RGS22: variants seen among roughly 807,000 people sequenced by gnomAD.
RGS22 encodes regulator of G-protein signaling 22.
A neutral mutation model predicts 172.9 loss-of-function variants in RGS22; 148 were observed. The ratio of observed to expected loss-of-function variants is 0.86; its 90% CI spans 0.75 to 0.98. The LOEUF (loss-of-function observed/expected upper bound fraction) is 0.98, where lower values mean the gene tolerates loss of function less well. RGS22 is among the 50% of genes least tolerant of loss of function. The probability of loss-of-function intolerance (pLI) is 0.00; values close to 1 mark genes in which losing one functional copy is unlikely to be tolerated. For missense variants in RGS22, 1,347 were observed against 1,440.8 expected (o/e 0.93, Z 1.05); for synonymous variants, 458 against 480.2 (o/e 0.95, Z 0.60).
chr8:100,047,723 C>T (rs1469328022), intron 10 of RGS22, 127 bp from the exon 11 acceptor site: 1 of 770,288 alleles, frequency 1.3e-6, no homozygotes. Context: ...CAATGCTTCC[C>T]AATAAAATAG....
At chr8:100,093,199 G>T in intron 3 of RGS22, 1 of 345,032 alleles carries the variant, frequency 2.9e-6, no homozygotes, top group Non-Finnish European at 5.3e-6. Context: ...AAATACAGCT[G>T]AACCAGAGTT....
At chr8:100,036,088 C>T (rs1176566897) in intron 14 of RGS22, among the ~76,000 whole-genome samples, 1 of 151,320 alleles carries the variant, frequency 6.6e-6, no homozygotes, top group Non-Finnish European at 1.5e-5. Flanking sequence ...CACATGTACC[C>T]TAGAACTTAA....
chr8:100,071,509 A>G lies in RGS22; in HGVS notation c.454T>C (p.Trp152Arg), dbSNP rs1355891226. 6.2e-7 allele frequency: 1 copy of G among 1,610,324 alleles called. No individual in the cohort carries two copies. Among genetic ancestry groups the G allele is most frequent in the African/African-American group, 1.3e-5 (1 of 74,682 alleles). The change falls in exon 6 of 28, where the codon TGG becomes CGG. Residue 152 changes from tryptophan to arginine, a missense_variant. Trp to Arg is a moderately radical substitution (Grantham distance 101). Transcript: ENST00000360863. ...RLAKLVSQVR[W>R]SKSGMNFTVG... ...GTGAAATTCATGCCGGACTTGCTCCATCTTACTTGTGAGACCAATTTGGCT... is the reference window on the plus strand; with the variant it reads ...GTGAAATTCATGCCGGACTTGCTCCGTCTTACTTGTGAGACCAATTTGGCT...
At chr8:99,996,041 C>G (rs1172911443) in intron 20 of RGS22, among the ~76,000 whole-genome samples, 1 of 131,756 alleles carries the variant, frequency 7.6e-6, no homozygotes, top group Non-Finnish European at 1.5e-5. Context: ...TGTTATCACT[C>G]ATAGGTAGGA....
chr8:100,087,320 T>C (rs1461963768), intron 3 of RGS22, among the ~76,000 whole-genome samples: 4 of 152,170 alleles, frequency 2.6e-5, no homozygotes, highest in Non-Finnish European at 5.9e-5. Context: ...CTCTTTTCCT[T>C]ACTTAATTTT....
chr8:100,047,464 C>T lies in RGS22; in HGVS notation c.1822G>A (p.Gly608Arg), dbSNP rs1317746977. 1.3e-6 allele frequency: 2 copies of T among 1,590,228 alleles called. No homozygotes were observed. Among genetic ancestry groups the T allele is most frequent in the Non-Finnish European group, 1.7e-6 (2 of 1,171,878 alleles). ...TAACACACAAAAAGTTGCACCTACCCTTTCTCAATCACATCATCCTTAGAA... is the reference window on the plus strand; with the variant it reads ...TAACACACAAAAAGTTGCACCTACCTTTTCTCAATCACATCATCCTTAGAA... ...GSSKDDVIEK[G>R]SKYMSESSKV... The change falls in exon 11 of 28, where the codon GGG (glycine) becomes AGG (arginine). Residue 608 changes from glycine to arginine, a missense_variant and splice_region_variant. Physicochemically the swap from Gly to Arg is moderately radical, Grantham distance 125. Transcript: ENST00000360863.
intron 4 of RGS22, among the ~76,000 whole-genome samples, 182 bp from the exon 5 acceptor site, chr8:100,072,412 CT>C (rs896408727): frequency 2.4e-4 from 30 of 127,562 alleles, no homozygotes; most frequent in African/African-American, 6.1e-4. Context: ...CTTCTTGCCC[CT>C]GGTACGTTTT....
chr8:100,080,430 T>C, intron 3 of RGS22, 75 bp from the exon 4 acceptor site: 1 of 1,024,038 alleles, frequency 9.8e-7, no homozygotes, highest in South Asian at 1.6e-5. Context: ...GACTTGTGGT[T>C]TACATACATG....
intron 23 of RGS22, among the ~76,000 whole-genome samples, chr8:99,974,617 G>A (rs1027489407): frequency 1.3e-5 from 2 of 151,764 alleles, no homozygotes; most frequent in Admixed American, 6.6e-5. Flanking sequence ...GGCCAACATG[G>A]TGAAACCCCA....
intron 15 of RGS22, among the ~76,000 whole-genome samples, chr8:100,007,205 C>T (rs1815823305): frequency 6.6e-6 from 1 of 152,090 alleles, no homozygotes; most frequent in Non-Finnish European, 1.5e-5. Context: ...GTATGACGAT[C>T]TAAGAAGTTG....
In RGS22 at chr8:100,005,392, A is replaced by G. The variant is rs184063788; in HGVS notation, c.2454+625T>C. 1.4e-3 allele frequency among the ~76,000 whole-genome samples: 215 copies of G among 152,246 alleles called. 3 individuals carry two copies. The highest frequency in any genetic ancestry group is 0.011 in the Admixed American group (162 of 15,274). On this transcript the variant is annotated intron_variant, in intron 16 of 27. Transcript: ENST00000360863. Reference sequence around the variant, plus strand: ...ACCATACCAGTTTTTCTGTTCCAAAAATTTTAATATATCTTAAACACTTTC... The same window carrying G: ...ACCATACCAGTTTTTCTGTTCCAAAGATTTTAATATATCTTAAACACTTTC...
chr8:100,083,617 TG>T (rs1235360538), intron 3 of RGS22, among the ~76,000 whole-genome samples: 1 of 151,982 alleles, frequency 6.6e-6, no homozygotes, highest in Admixed American at 6.5e-5. Flanking sequence ...CCACCCACCT[TG>T]GCCTCTCAAA....
chr8:100,105,858 C>T (rs1813896447), intron 1 of RGS22, 39 bp downstream of exon 1: 8 of 1,493,492 alleles, frequency 5.4e-6, no homozygotes, highest in South Asian at 2.5e-5. Context: ...GCCCCGACGC[C>T]GCGGGCTGAT....
At chr8:100,086,423 A>G (rs1374163511) in intron 3 of RGS22, among the ~76,000 whole-genome samples, 1 of 152,124 alleles carries the variant, frequency 6.6e-6, no homozygotes, top group Admixed American at 6.6e-5. Flanking sequence ...ATCCTGTTAG[A>G]AATGCAAATT....
At chr8:100,057,234 A>T (rs968929602) in intron 9 of RGS22, among the ~76,000 whole-genome samples, 1 of 152,166 alleles carries the variant, frequency 6.6e-6, no homozygotes, top group Admixed American at 6.5e-5. Context: ...CCTCCATTGT[A>T]TCTAGGAAGT....
At chr8:100,059,453 G>C (rs1269619734) in intron 9 of RGS22, among the ~76,000 whole-genome samples, 2 of 150,676 alleles carry the variant, frequency 1.3e-5, no homozygotes, top group Admixed American at 6.6e-5. Context: ...CATGTTCCAT[G>C]TCAATGGAAA....
At position 100,080,200 on chromosome 8, in the gene RGS22, C is replaced by T. The variant is rs1266889763; in HGVS notation, c.273G>A (p.Glu91=). 1 of 1,613,788 alleles carries T rather than the reference C, an allele frequency of 6.2e-7. No homozygotes were observed. The highest frequency in any genetic ancestry group is 1.7e-5 in the Admixed American group (1 of 60,006). ...GGGCATTCATTTGAACAGGTTTAAC[C>T]TCATTCTTTCCTTTCCTTACAACAT... ...IYDVVRKGKN[E]VKPVQMNAPD... The change falls in exon 4 of 28, where the codon GAG becomes GAA. Residue 91 remains glutamate, a synonymous_variant. Transcript: ENST00000360863.
At chr8:100,026,340 T>C (rs1818172458) in intron 14 of RGS22, among the ~76,000 whole-genome samples, 1 of 152,240 alleles carries the variant, frequency 6.6e-6, no homozygotes, top group South Asian at 2.1e-4. Context: ...ATTTAATGAA[T>C]TCTGCATTAC....
intron 5 of RGS22, among the ~76,000 whole-genome samples, chr8:100,071,843 G>A (rs574604382): frequency 2.4e-4 from 37 of 152,252 alleles, no homozygotes; most frequent in African/African-American, 8.7e-4. Flanking sequence ...TGTTTTTCGC[G>A]TCACACTAGT....
Sources: allele counts gnomAD v4.1 joint callset (sites outside exome capture counted in the v4.1 genomes callset), GRCh38; gene constraint gnomAD v4.1.1; transcripts MANE v1.5; gene names NCBI Gene and HGNC (gene_info 2026-07-23, HGNC 2026-07-21).